Variants in SNTG1 observed in about 807,000 individuals in gnomAD.
SNTG1 encodes gamma-1-syntrophin.
SNTG1 carries 39 observed loss-of-function variants against 74.7 expected under a neutral mutation model. The observed-to-expected ratio is 0.52, with a 90% CI of 0.40 to 0.68. The LOEUF (loss-of-function observed/expected upper bound fraction) is 0.68. SNTG1 is among the 30% of genes least tolerant of loss of function. The pLI, the probability that SNTG1 is intolerant of heterozygous loss-of-function variation, is 0.00. For missense variants in SNTG1, 685 were observed against 609.5 expected, an observed-to-expected ratio of 1.12 and a Z score of -1.30; for synonymous variants, 254 against 217.1, an observed-to-expected ratio of 1.17 and a Z score of -1.49.
At chr8:50,707,927 GCA>G (rs2095449013) in intron 16 of SNTG1, 1 of 392,868 alleles carries the variant, frequency 2.5e-6, no homozygotes, top group South Asian at 1.4e-4. Flanking sequence ...ATTAGGCTGG[GCA>G]CAGTGGCTCA....
intron 4 of SNTG1, among the ~76,000 whole-genome samples, chr8:50,420,164 A>G (rs1298445824): frequency 6.6e-6 from 1 of 152,182 alleles, no homozygotes; most frequent in African/African-American, 2.4e-5. Context: ...GTATGAATTT[A>G]TGTATTCTGG....
chr8:49,944,151 A>C (rs916225493), intron 1 of SNTG1, among the ~76,000 whole-genome samples: 4 of 152,138 alleles, frequency 2.6e-5, no homozygotes, highest in Admixed American at 2.6e-4. Context: ...GATAGGATCC[A>C]AGTACCAAGT....
intron 15 of SNTG1, among the ~76,000 whole-genome samples, chr8:50,693,212 G>C (rs993759940): frequency 6.6e-6 from 1 of 152,102 alleles, no homozygotes; most frequent in Non-Finnish European, 1.5e-5. Context: ...CGGGTGAGGT[G>C]ATGCCTCGCC....
intron 2 of SNTG1, among the ~76,000 whole-genome samples, chr8:50,379,022 G>A (rs980834027): frequency 1.3e-5 from 2 of 152,104 alleles, no homozygotes; most frequent in African/African-American, 2.4e-5. Context: ...CCAGGAACCT[G>A]TCTGCATTCT....
chr8:50,629,994 C>G (rs1025796774), intron 13 of SNTG1, among the ~76,000 whole-genome samples: 7 of 152,076 alleles, frequency 4.6e-5, no homozygotes, highest in Admixed American at 3.9e-4. Context: ...TGTTTTTGTT[C>G]AATAGGTAAA....
intron 12 of SNTG1, among the ~76,000 whole-genome samples, chr8:50,568,352 A>G (rs924195988): frequency 6.6e-6 from 1 of 152,030 alleles, no homozygotes; most frequent in African/African-American, 2.4e-5. Flanking sequence ...TCCTTTGGAT[A>G]TATACTCAGT....
intron 8 of SNTG1, among the ~76,000 whole-genome samples, chr8:50,492,916 A>T (rs1040019971): frequency 6.6e-6 from 1 of 152,136 alleles, no homozygotes; most frequent in Non-Finnish European, 1.5e-5. Context: ...TGTATAAGGC[A>T]TAAGGAAGGG....
chr8:50,056,991 A>G lies in SNTG1; in HGVS notation c.-102-115570A>G, dbSNP rs184824274. On this transcript the variant is annotated intron_variant, in intron 1 of 18. Coordinates refer to ENST00000642720, the MANE Select transcript of SNTG1 (RefSeq NM_018967.5). ...TGAGATTTAACTTATAATTTATTATATCAAACCTAAGTATATTGTTGCAAG... is the reference window on the plus strand; with the variant it reads ...TGAGATTTAACTTATAATTTATTATGTCAAACCTAAGTATATTGTTGCAAG... Among the ~76,000 whole-genome samples, 3 of 152,328 alleles carry G rather than the reference A, an allele frequency of 2.0e-5. No individual in the cohort carries two copies. The East Asian group carries it at 5.8e-4, about 29-fold the overall frequency.
intron 1 of SNTG1, among the ~76,000 whole-genome samples, chr8:49,914,788 C>T (rs1255820451): frequency 1.3e-5 from 2 of 152,090 alleles, no homozygotes; most frequent in Non-Finnish European, 2.9e-5. Context: ...AAATTCCAAG[C>T]AGCTAGCCTG....
intron 2 of SNTG1, among the ~76,000 whole-genome samples, chr8:50,203,780 C>CTG (rs138161740): frequency 4.1e-4 from 61 of 149,454 alleles, no homozygotes; most frequent in South Asian, 1.1e-3. Flanking sequence ...GTGTGTGTTT[C>CTG]TGTGTGTGTG....
At chr8:50,281,974 A>G (rs1186581235) in intron 2 of SNTG1, among the ~76,000 whole-genome samples, 1 of 152,224 alleles carries the variant, frequency 6.6e-6, no homozygotes, top group Non-Finnish European at 1.5e-5. Flanking sequence ...GAGCAGGAGC[A>G]TCGCCATCTT....
In SNTG1 at chr8:50,473,966, G is replaced by GT. The variant is rs1032627307; in HGVS notation, c.363+23248dup. Among the ~76,000 whole-genome samples, 462 of 148,434 alleles carry GT rather than the reference G, an allele frequency of 3.1e-3. 3 individuals carry two copies. Among genetic ancestry groups the GT allele is most frequent in the Middle Eastern group, 0.011 (3 of 284 alleles). ...AGGGGTATAGAATTTTAGTTTTTAA[G>GT]TTTTTTTTTTTCTTTTCCCCACTGG... On this transcript the variant is annotated intron_variant, in intron 8 of 18. Transcript: ENST00000642720.
intron 15 of SNTG1, among the ~76,000 whole-genome samples, chr8:50,677,976 G>A (rs1177057046): frequency 6.6e-6 from 1 of 151,828 alleles, no homozygotes; most frequent in African/African-American, 2.4e-5. Context: ...CAGGGCGTGT[G>A]GGGAGAGGAG....
At chr8:50,559,490 T>C (rs185234519) in intron 12 of SNTG1, among the ~76,000 whole-genome samples, 108 of 152,198 alleles carry the variant, frequency 7.1e-4, no homozygotes, top group Non-Finnish European at 1.3e-3. Flanking sequence ...GTTGAACAAA[T>C]AGTAAGCATA....
chr8:50,632,794 T>G (rs2095011102), intron 13 of SNTG1, among the ~76,000 whole-genome samples: 1 of 152,162 alleles, frequency 6.6e-6, no homozygotes, highest in Non-Finnish European at 1.5e-5. Flanking sequence ...AAAGAAAATG[T>G]GATTATGTGG....
chr8:50,181,079 A>G (rs188738648), intron 2 of SNTG1, among the ~76,000 whole-genome samples: 1 of 152,226 alleles, frequency 6.6e-6, no homozygotes, highest in African/African-American at 2.4e-5. Context: ...ACTCTTGAAG[A>G]GAAGTCTTGC....
intron 1 of SNTG1, among the ~76,000 whole-genome samples, chr8:50,058,237 AT>A (rs1162093378): frequency 1.3e-5 from 2 of 152,150 alleles, no homozygotes; most frequent in African/African-American, 2.4e-5. Context: ...GATAAATAAT[AT>A]TTTCAAAACA....
chr8:50,161,095 CT>C (rs1298325197), intron 1 of SNTG1, among the ~76,000 whole-genome samples: 1 of 152,116 alleles, frequency 6.6e-6, no homozygotes, highest in Non-Finnish European at 1.5e-5. Flanking sequence ...GAATATTATT[CT>C]AAATGATACT....
At chr8:50,030,040 T>C (rs922861365) in intron 1 of SNTG1, among the ~76,000 whole-genome samples, 1 of 152,154 alleles carries the variant, frequency 6.6e-6, no homozygotes, top group Admixed American at 6.5e-5. Flanking sequence ...TAAAAGCCAT[T>C]TTTACTGGTG....
Sources: allele counts gnomAD v4.1 joint callset (sites outside exome capture counted in the v4.1 genomes callset), GRCh38; gene constraint gnomAD v4.1.1; transcripts MANE v1.5; gene names NCBI Gene and HGNC (gene_info 2026-07-23, HGNC 2026-07-21).